FANCC: variants seen among roughly 807,000 people sequenced by gnomAD.
FANCC encodes Fanconi anemia group C protein.
FANCC carries 55 observed loss-of-function variants against 71.3 expected under a neutral mutation model. That is an observed-to-expected ratio of 0.77 (90% CI 0.62 to 0.97). The LOEUF (loss-of-function observed/expected upper bound fraction) is 0.97, where lower values mean the gene tolerates loss of function less well. FANCC is among the 50% of genes least tolerant of loss of function. The pLI is 0.00. For synonymous variants in FANCC, 275 were observed against 244.9 expected, an observed-to-expected ratio of 1.12 and a Z score of -1.15; for missense variants, 678 against 670.9, an observed-to-expected ratio of 1.01 and a Z score of -0.12.
chr9:95,297,062 C>T (rs769890420), intron 1 of FANCC, among the ~76,000 whole-genome samples: 2 of 152,078 alleles, frequency 1.3e-5, no homozygotes, highest in Non-Finnish European at 2.9e-5. Context: ...AGCACTTAAC[C>T]CAGATTTGGG....
intron 6 of FANCC, among the ~76,000 whole-genome samples, chr9:95,168,196 C>T (rs951186064): frequency 1.3e-5 from 2 of 152,206 alleles, no homozygotes; most frequent in African/African-American, 4.8e-5. Flanking sequence ...CGCCATTTCT[C>T]TGTCAGTGCT....
chr9:95,106,984 A>G, intron 14 of FANCC, 82 bp downstream of exon 14: 2 of 1,358,958 alleles, frequency 1.5e-6, no homozygotes, highest in Non-Finnish European at 2.1e-6. Flanking sequence ...CACTGTGCAG[A>G]GGCCAGACCC....
rs1441056692 is a variant in FANCC at position 95,288,694 on chromosome 9, T to A, written c.-79+28832A>T. Among the ~76,000 whole-genome samples the A allele has an allele frequency of 7.9e-5, 12 of 152,258 alleles. No homozygotes were observed. The East Asian group carries it at 2.3e-3, about 29-fold the overall frequency. On this transcript the variant is annotated intron_variant, in intron 1 of 14. Coordinates refer to ENST00000289081, the MANE Select transcript of FANCC (RefSeq NM_000136.3). ...TCCATCTTGATTAGTTTGTTGATAA[T>A]CTGAATCCAGTGCTTCTATTTGATC...
At chr9:95,141,997 T>TTG (rs1554836551) in intron 7 of FANCC, among the ~76,000 whole-genome samples, 2 of 142,050 alleles carry the variant, frequency 1.4e-5, no homozygotes, top group African/African-American at 5.2e-5. Context: ...TTTTTTTTTT[T>TTG]TTTTTTTTTT....
chr9:95,107,016 C>A (rs4647544), intron 14 of FANCC, 50 bp downstream of exon 14: 1 of 1,590,130 alleles, frequency 6.3e-7, no homozygotes, highest in South Asian at 1.1e-5. Flanking sequence ...ACCCACCTCT[C>A]GCCTGGAGCA....
At chr9:95,242,865 G>T (rs781133531) in intron 3 of FANCC, among the ~76,000 whole-genome samples, 6 of 152,166 alleles carry the variant, frequency 3.9e-5, no homozygotes, top group Non-Finnish European at 8.8e-5. Flanking sequence ...CTCCCTGGAG[G>T]CCCTGAGCTC....
chr9:95,112,302 A>G (rs1213632670), intron 12 of FANCC, among the ~76,000 whole-genome samples: 1 of 152,220 alleles, frequency 6.6e-6, no homozygotes, highest in Non-Finnish European at 1.5e-5. Context: ...GCCTGAGATC[A>G]CATTAGATGA....
chr9:95,161,842 C>CTTTT (rs71366277), intron 6 of FANCC, among the ~76,000 whole-genome samples: 7 of 110,730 alleles, frequency 6.3e-5, no homozygotes, highest in Middle Eastern at 4.7e-3. Context: ...CTTTTCTTTT[C>CTTTT]TTTTTTTTTT....
chr9:95,248,389 C>T (rs1433677065), intron 2 of FANCC, among the ~76,000 whole-genome samples: 1 of 152,110 alleles, frequency 6.6e-6, no homozygotes, highest in Non-Finnish European at 1.5e-5. Context: ...AAATTAGCAT[C>T]GGTTGTTCAC....
chr9:95,171,510 G>C (rs1244937433), intron 5 of FANCC, among the ~76,000 whole-genome samples: 3 of 151,100 alleles, frequency 2.0e-5, no homozygotes, highest in African/African-American at 7.3e-5. Flanking sequence ...CACCGGAATG[G>C]TTAACAAACA....
intron 9 of FANCC, among the ~76,000 whole-genome samples, chr9:95,125,715 T>C (rs1825876018): frequency 6.6e-6 from 1 of 152,206 alleles, no homozygotes; most frequent in Non-Finnish European, 1.5e-5. Context: ...CCAACACTGT[T>C]CTGACTACTG....
chr9:95,202,979 T>C (rs948697469), intron 4 of FANCC, among the ~76,000 whole-genome samples: 2 of 152,232 alleles, frequency 1.3e-5, no homozygotes, highest in African/African-American at 2.4e-5. Context: ...GTCCAGATTA[T>C]GTCAAACTGC....
intron 7 of FANCC, 93 bp downstream of exon 7, chr9:95,149,830 T>G: frequency 1.4e-6 from 2 of 1,403,716 alleles, no homozygotes; most frequent in Non-Finnish European, 2.0e-6. Flanking sequence ...CAAAAACGTT[T>G]GGACACTGCT....
In FANCC at chr9:95,304,262, A is replaced by G. The variant is rs570382793; in HGVS notation, c.-79+13264T>C. Reference sequence around the variant, plus strand: ...AAAGAAAGAAAATAAAGTAAACAGAAGACCCAATATCAAGAAAGGAGAGAA... The same window carrying G: ...AAAGAAAGAAAATAAAGTAAACAGAGGACCCAATATCAAGAAAGGAGAGAA... On this transcript the variant is annotated intron_variant, in intron 1 of 14. Coordinates refer to ENST00000289081, the MANE Select transcript of FANCC (RefSeq NM_000136.3). Among the ~76,000 whole-genome samples the G allele has an allele frequency of 3.3e-4, 50 of 152,294 alleles. No individual in the cohort carries two copies. The South Asian group carries it at 4.8e-3, about 15-fold the overall frequency.
At chr9:95,291,236 A>G (rs1833977884) in intron 1 of FANCC, among the ~76,000 whole-genome samples, 1 of 152,210 alleles carries the variant, frequency 6.6e-6, no homozygotes, top group Non-Finnish European at 1.5e-5. Context: ...GCAATTAGGT[A>G]AGAGAAAGAA....
chr9:95,148,581 T>C (rs578262333), intron 7 of FANCC, among the ~76,000 whole-genome samples: 2 of 152,360 alleles, frequency 1.3e-5, no homozygotes, highest in African/African-American at 4.8e-5. Flanking sequence ...CTTAAAGTCA[T>C]TTCTGATGAG....
intron 4 of FANCC, among the ~76,000 whole-genome samples, chr9:95,178,435 T>A (rs1826144639): frequency 6.6e-6 from 1 of 152,236 alleles, no homozygotes; most frequent in African/African-American, 2.4e-5. Context: ...TACCTGCTGG[T>A]TGGAGCCCTC....
Position 95,101,628 on chromosome 9 carries a change from G to A in FANCC, c.*79C>T. 1 of 1,572,554 alleles carries A rather than the reference G, an allele frequency of 6.4e-7. No homozygotes were observed. The highest frequency in any genetic ancestry group is 8.7e-7 in the Non-Finnish European group (1 of 1,150,776). The stretch of plus-strand genomic sequence containing the variant: ...GAGGGCACTTACTCCACAAATGCGT[G>A]GCCACAGGTCATCACCTGTCCTGTG... On this transcript the variant is annotated 3_prime_UTR_variant, in exon 15 of 15. Coordinates refer to ENST00000289081, the MANE Select transcript of FANCC (RefSeq NM_000136.3).
intron 4 of FANCC, among the ~76,000 whole-genome samples, chr9:95,187,592 G>A (rs2135716450): frequency 6.6e-6 from 1 of 152,282 alleles, no homozygotes; most frequent in East Asian, 1.9e-4. Flanking sequence ...ACCTCTGGGG[G>A]TGGGCCCTAG....
Sources: gnomAD v4.1 joint callset for allele counts (sites outside exome capture counted in the v4.1 genomes callset) on GRCh38, gnomAD v4.1.1 for gene constraint, MANE v1.5 for transcripts, NCBI Gene and HGNC (gene_info 2026-07-23, HGNC 2026-07-21) for gene names.